PDCD7: variants seen among roughly 807,000 people sequenced by gnomAD.
The protein encoded by PDCD7 is programmed cell death 7, also known as programmed cell death protein 7.
A neutral mutation model predicts 42.1 loss-of-function variants in PDCD7; 40 were observed. The observed-to-expected ratio is 0.95, with a 90% CI of 0.74 to 1.24. PDCD7 has a LOEUF of 1.24. Among genes scored for constraint, PDCD7 ranks in the 50% most tolerant of loss-of-function variants. The pLI is 0.00. For synonymous variants in PDCD7, 299 were observed against 303.3 expected (o/e 0.99, Z 0.15); for missense variants, 644 against 662.8 (o/e 0.97, Z 0.31).
At position 65,119,715 on chromosome 15, in the gene PDCD7, T is replaced by C; in HGVS notation, c.1246+3A>G. ...TTTCTCCACTGGTTATAGAGCAACATACCTGGATCCCCAAACAACTTGGAC... is the reference window on the plus strand; with the variant it reads ...TTTCTCCACTGGTTATAGAGCAACACACCTGGATCCCCAAACAACTTGGAC... On this transcript the variant is annotated splice_donor_region_variant and intron_variant, in intron 3 of 4. Coordinates refer to ENST00000204549, the MANE Select transcript of PDCD7 (RefSeq NM_005707.2). 3 of 1,609,304 alleles carry C rather than the reference T, an allele frequency of 1.9e-6. No homozygotes were observed. Among genetic ancestry groups the C allele is most frequent in the Non-Finnish European group, 2.5e-6 (3 of 1,178,536 alleles).
At chr15:65,124,890 C>A (rs1488685541) in intron 2 of PDCD7, among the ~76,000 whole-genome samples, 1 of 152,190 alleles carries the variant, frequency 6.6e-6, no homozygotes, top group African/African-American at 2.4e-5. Context: ...TGGAAGAGGT[C>A]ATTTGATTGT....
intron 1 of PDCD7, 151 bp downstream of exon 1, chr15:65,132,761 A>C (rs1184536697): frequency 2.6e-6 from 3 of 1,171,626 alleles, no homozygotes; most frequent in Non-Finnish European, 3.5e-6. Flanking sequence ...CACAAAATTA[A>C]CATGGTGGTA....
chr15:65,133,160 G>A lies in PDCD7; in HGVS notation c.622C>T (p.Leu208=), dbSNP rs1181188874. ...CGCAGCGGCGCGGTCTGGGAGTACA[G>A]CAGGACCCAGGCCGCGCCGTCGGCT... is the stretch of plus-strand genomic sequence containing the variant. The part of the protein sequence containing the change: ...AEADGAAWVL[L]YSQTAPLRAE... The change falls in exon 1 of 5, where the codon CTG becomes TTG. Residue 208 remains leucine, a synonymous_variant. Coordinates refer to ENST00000204549, the MANE Select transcript of PDCD7 (RefSeq NM_005707.2). The A allele has an allele frequency of 4.0e-6, 6 of 1,500,488 alleles. No individual in the cohort carries two copies. The highest frequency in any genetic ancestry group is 1.2e-5 in the South Asian group (1 of 80,002). The allele number at this position is 1,500,488 out of a possible 1,614,324, so 92.9% of individuals were successfully genotyped here.
chr15:65,129,833 T>A (rs2140585599), intron 1 of PDCD7, among the ~76,000 whole-genome samples: 1 of 151,558 alleles, frequency 6.6e-6, no homozygotes, highest in South Asian at 2.1e-4. Flanking sequence ...GGCGAGAGGA[T>A]CACTTTAAGA....
At position 65,119,381 on chromosome 15, in the gene PDCD7, C is replaced by T; in HGVS notation, c.1329G>A (p.Gln443=). 1 of 1,612,590 alleles carries T rather than the reference C, an allele frequency of 6.2e-7. No individual in the cohort carries two copies. Residue 443 remains glutamine (Q), a synonymous_variant, in exon 4 of 5, where the codon CAG becomes CAA. Transcript: ENST00000204549. ...GGAGAGCCAGCCCCTCTGACCTGAT[C>T]TGGATGAGCGCTGGCAGGGAGTGCT... ...QAEHSLPALI[Q]IRHDWDQYLV... is the part of the protein sequence containing the mutation.
chr15:65,128,485 A>T lies in PDCD7; in HGVS notation c.1009+547T>A, dbSNP rs564993662. ...AACAAACTTCGGTGGAGAAGCTTGAACTGCCTGGCTATAGTGTCTGGTGCT... is the reference window on the plus strand; with the variant it reads ...AACAAACTTCGGTGGAGAAGCTTGATCTGCCTGGCTATAGTGTCTGGTGCT... On this transcript the variant is annotated intron_variant, in intron 2 of 4. Transcript: ENST00000204549. Among the ~76,000 whole-genome samples the T allele has an allele frequency of 5.3e-5, 8 of 152,330 alleles. No individual in the cohort carries two copies. In the South Asian group the frequency reaches 8.3e-4, roughly 16 times the overall value.
At chr15:65,130,203 G>A (rs1475843262) in intron 1 of PDCD7, among the ~76,000 whole-genome samples, 1 of 145,348 alleles carries the variant, frequency 6.9e-6, no homozygotes, top group East Asian at 2.0e-4. Context: ...TGTTGTCCAG[G>A]CTGGAGGGCA....
chr15:65,123,879 A>G (rs1595927342), intron 2 of PDCD7, among the ~76,000 whole-genome samples: 1 of 152,240 alleles, frequency 6.6e-6, no homozygotes, highest in South Asian at 2.1e-4. Flanking sequence ...ACTCTGTTTT[A>G]TAATAATCTA....
chr15:65,118,743 A>G lies in PDCD7; in HGVS notation c.1432T>C (p.Trp478Arg). 1 of 1,609,246 alleles carries G rather than the reference A, an allele frequency of 6.2e-7. No individual in the cohort carries two copies. Among genetic ancestry groups the G allele is most frequent in the Non-Finnish European group, 8.5e-7 (1 of 1,178,132 alleles). The change falls in exon 5 of 5, where the codon TGG (tryptophan) becomes CGG (arginine). Residue 478 changes from tryptophan (W) to arginine (R), a missense_variant. Transcript: ENST00000204549. ...TAATGCAGCTTAACAGCAGTTGCCC[A>G]GATGTCGTTGCTGGGGAGCGGGGGA... ...VLPPLPSNDI[W>R]ATAVKLH
At chr15:65,121,977 G>A (rs962857989) in intron 2 of PDCD7, among the ~76,000 whole-genome samples, 2 of 152,212 alleles carry the variant, frequency 1.3e-5, no homozygotes, top group Non-Finnish European at 2.9e-5. Flanking sequence ...TGATGTGGAT[G>A]TGATCTATCC....
chr15:65,125,625 G>A (rs1175711733), intron 2 of PDCD7, among the ~76,000 whole-genome samples: 1 of 152,104 alleles, frequency 6.6e-6, no homozygotes, highest in African/African-American at 2.4e-5. Flanking sequence ...TATGAAACAT[G>A]TATATAGCAT....
rs771994225 is a variant in PDCD7, at chr15:65,133,020, C to T, written c.762G>A (p.Arg254=). The T allele has an allele frequency of 6.2e-7, 1 of 1,600,704 alleles. No homozygotes were observed. The highest frequency in any genetic ancestry group is 2.2e-5 in the East Asian group (1 of 44,812). ...RRRLRLRERA[R]EREAEREAEA... is the part of the protein sequence containing the mutation. ...CTGCCTCCCGCTCGGCCTCGCGTTCCCGGGCCCTCTCGCGAAGCCGCAGCC... is the reference window on the plus strand; with the variant it reads ...CTGCCTCCCGCTCGGCCTCGCGTTCTCGGGCCCTCTCGCGAAGCCGCAGCC... Residue 254 remains arginine (R), a synonymous_variant, in exon 1 of 5, where the codon CGG becomes CGA. Coordinates refer to ENST00000204549, the MANE Select transcript of PDCD7 (RefSeq NM_005707.2).
chr15:65,119,099 T>C (rs987176579), intron 4 of PDCD7: 2 of 475,456 alleles, frequency 4.2e-6, no homozygotes, highest in East Asian at 6.5e-5. Flanking sequence ...ATTCTGTATT[T>C]GCATATGTGC....
In PDCD7 at chr15:65,133,084, C is replaced by T; in HGVS notation, c.698G>A (p.Gly233Asp). Residue 233 changes from glycine (G) to aspartate (D), a missense_variant, in exon 1 of 5, where the codon GGC becomes GAC. By Grantham distance (94) the Gly-to-Asp change is moderately conservative. Transcript: ENST00000204549. ...CCTCTCCAGCCTCCTCCGCGCCTCG[C>T]CCACATAGGCAGCCTGGGTCAACGG... is the stretch of plus-strand genomic sequence containing the variant. ...LQPLTQAAYV[G>D]EARRRLERVR... The T allele has an allele frequency of 6.4e-7, 1 of 1,567,604 alleles. No individual in the cohort carries two copies.
intron 1 of PDCD7, among the ~76,000 whole-genome samples, chr15:65,131,838 A>G (rs987376246): frequency 4.6e-5 from 7 of 152,030 alleles, no homozygotes; most frequent in African/African-American, 1.7e-4. Context: ...TGAGATCAAT[A>G]CGCTTTGGAA....
Position 65,133,421 on chromosome 15 carries a change from G to C in PDCD7, c.361C>G (p.Arg121Gly). The stretch of plus-strand genomic sequence containing the variant: ...GGCGGCGGCGGCGCCTCAGGCCACC[G>C]CGGGCTCCAGGGCGGCCCCGGGCCG... The part of the protein sequence containing the change: ...PPGPGPPWSP[R>G]WPEAPPPPAD... The change falls in exon 1 of 5, where the codon CGG becomes GGG. Residue 121 changes from arginine (R) to glycine (G), a missense_variant. By Grantham distance (125) the Arg-to-Gly change is moderately radical. Transcript: ENST00000204549. 1 of 1,183,032 alleles carries C rather than the reference G, an allele frequency of 8.5e-7. No individual in the cohort carries two copies. Among genetic ancestry groups the C allele is most frequent in the Non-Finnish European group, 1.0e-6 (1 of 957,116 alleles). 73.3% of individuals were successfully genotyped at this position (1,183,032 alleles called of 1,614,324 possible). A position where few individuals can be genotyped will look rare whatever the true frequency, so the allele number is the denominator to read the frequency against.
chr15:65,120,572 G>T (rs559044577), intron 2 of PDCD7, among the ~76,000 whole-genome samples: 3 of 152,120 alleles, frequency 2.0e-5, no homozygotes, highest in African/African-American at 7.2e-5. Flanking sequence ...GCCAGGCATG[G>T]TGGCAGGTAC....
At chr15:65,127,147 C>T (rs958859789) in intron 2 of PDCD7, among the ~76,000 whole-genome samples, 3 of 152,150 alleles carry the variant, frequency 2.0e-5, no homozygotes, top group African/African-American at 7.2e-5. Context: ...CTGATCTTTG[C>T]CATCATTTCA....
chr15:65,122,083 CTAGCACTT>C (rs2087459792), intron 2 of PDCD7, among the ~76,000 whole-genome samples: 1 of 152,182 alleles, frequency 6.6e-6, no homozygotes, highest in South Asian at 2.1e-4. Context: ...ACCTGTAAAC[CTAGCACTT>C]TGGGAGACTG....
Sources: allele counts gnomAD v4.1 joint callset (sites outside exome capture counted in the v4.1 genomes callset), GRCh38; gene constraint gnomAD v4.1.1; transcripts MANE v1.5; gene names NCBI Gene and HGNC (gene_info 2026-07-23, HGNC 2026-07-21).